The following KAZN variants were observed in gnomAD, a reference collection of about 807,000 sequenced individuals.
The protein encoded by KAZN is kazrin, periplakin interacting protein.
Under a neutral mutation model 87.4 loss-of-function variants are expected in KAZN, and 40 were observed. The ratio of observed to expected loss-of-function variants is 0.46; its 90% CI spans 0.36 to 0.60. The LOEUF is 0.60. Ranked by LOEUF, KAZN falls within the 20% of genes least tolerant of loss-of-function variation. The pLI, the probability that KAZN is intolerant of heterozygous loss-of-function variation, is 0.00. For missense variants in KAZN, 898 were observed against 1,073.9 expected, an observed-to-expected ratio of 0.84 and a Z score of 2.29; for synonymous variants, 466 against 458.3, an observed-to-expected ratio of 1.02 and a Z score of -0.22.
At chr1:14,088,154 T>A (rs1444965952) in intron 1 of KAZN, among the ~76,000 whole-genome samples, 1 of 151,784 alleles carries the variant, frequency 6.6e-6, no homozygotes, top group Non-Finnish European at 1.5e-5. Context: ...ATTTATCCAG[T>A]TCTTCTTAGA....
chr1:14,131,015 G>C (rs1644981597), intron 1 of KAZN, among the ~76,000 whole-genome samples: 1 of 152,190 alleles, frequency 6.6e-6, no homozygotes, highest in Non-Finnish European at 1.5e-5. Flanking sequence ...TTTGCAGGCT[G>C]TACAGGTTTC....
chr1:14,857,356 A>G (rs1044254839), intron 1 of KAZN, among the ~76,000 whole-genome samples: 32 of 152,232 alleles, frequency 2.1e-4, no homozygotes, highest in Non-Finnish European at 3.5e-4. Context: ...AGCCTTAGCA[A>G]CATAGTGAAA....
intron 1 of KAZN, among the ~76,000 whole-genome samples, chr1:14,908,109 T>TGTA (rs1249269437): frequency 6.6e-6 from 1 of 152,188 alleles, no homozygotes; most frequent in Non-Finnish European, 1.5e-5. Context: ...ATCAAAAGCA[T>TGTA]GTAGGGTCAG....
chr1:14,337,310 G>GA (rs34693856), intron 2 of KAZN, among the ~76,000 whole-genome samples: 22,907 of 152,168 alleles, frequency 0.15, 2,022 homozygotes, highest in East Asian at 0.36. Flanking sequence ...AAGGATGAAA[G>GA]AAAAATGGTA....
At chr1:14,035,290 C>G (rs562896663) in intron 1 of KAZN, among the ~76,000 whole-genome samples, 1 of 152,176 alleles carries the variant, frequency 6.6e-6, no homozygotes, top group African/African-American at 2.4e-5. Flanking sequence ...TACGATTTCT[C>G]TAGTGGTGAA....
chr1:14,860,460 G>A (rs1572669775), intron 1 of KAZN, among the ~76,000 whole-genome samples: 1 of 152,294 alleles, frequency 6.6e-6, no homozygotes, highest in Non-Finnish European at 1.5e-5. Context: ...CAAAACTGCT[G>A]GGATTATTAC....
At chr1:14,406,917 A>T (rs1000174242) in intron 2 of KAZN, among the ~76,000 whole-genome samples, 5 of 152,154 alleles carry the variant, frequency 3.3e-5, no homozygotes, top group African/African-American at 9.7e-5. Flanking sequence ...GTGAGGAATA[A>T]ATAAGCTGCT....
At position 14,103,740 on chromosome 1, in the gene KAZN, A is replaced by G. The variant is rs1281299539; in HGVS notation, c.92-76695A>G. Among the ~76,000 whole-genome samples the G allele has an allele frequency of 1.3e-5, 2 of 152,190 alleles. 1 individual carries two copies. Among genetic ancestry groups the G allele is most frequent in the Non-Finnish European group, 2.9e-5 (2 of 68,038 alleles). On this transcript the variant is annotated intron_variant, in intron 1 of 16. Coordinates refer to the KAZN transcript ENST00000636203. ...ATTGGGCTCACTTGGATAATCCAGGATAATCTCCCTATTTGAAGGTCAAAT... is the reference window on the plus strand; with the variant it reads ...ATTGGGCTCACTTGGATAATCCAGGGTAATCTCCCTATTTGAAGGTCAAAT...
chr1:15,023,794 G>A (rs1333700285), intron 2 of KAZN, among the ~76,000 whole-genome samples: 2 of 152,068 alleles, frequency 1.3e-5, no homozygotes, highest in African/African-American at 2.4e-5. Context: ...GCCCGGGTGG[G>A]TGAGCAGGGT....
At chr1:14,081,307 G>T (rs4661470) in intron 1 of KAZN, among the ~76,000 whole-genome samples, 26,417 of 152,014 alleles carry the variant, frequency 0.17, 2,963 homozygotes, top group Admixed American at 0.28. Context: ...GTGAACTGCA[G>T]TACATTATCT....
At chr1:13,981,093 A>ATATATATATATATATATATATGTATATG (rs71272488) in intron 1 of KAZN, among the ~76,000 whole-genome samples, 1 of 78,152 alleles carries the variant, frequency 1.3e-5, no homozygotes, top group East Asian at 2.6e-4. Context: ...TACTCTTTAT[A>ATATATATATATATATATATATGTATATG]TATATATATA....
rs1469814749 is a variant in KAZN, at chr1:14,579,789, G to T, written c.250-19194G>T. 2.0e-5 allele frequency among the ~76,000 whole-genome samples: 3 copies of T among 152,140 alleles called. No individual in the cohort carries two copies. In the East Asian group the frequency reaches 5.8e-4, roughly 29 times the overall value. On this transcript the variant is annotated intron_variant, in intron 2 of 16. Transcript: ENST00000636203. ...CTGGGTAAGAAGCAGCATCCAGGGG[G>T]ACTCACATGGCAGCCAGGCAGAATG...
At chr1:14,028,575 T>C (rs1028678260) in intron 1 of KAZN, among the ~76,000 whole-genome samples, 1 of 152,192 alleles carries the variant, frequency 6.6e-6, no homozygotes. Context: ...CCAGCTCCTA[T>C]CTTTATCTTT....
chr1:14,392,792 G>A (rs1183036905), intron 2 of KAZN, among the ~76,000 whole-genome samples: 3 of 152,154 alleles, frequency 2.0e-5, no homozygotes, highest in Admixed American at 2.0e-4. Context: ...AGAATTGCTA[G>A]TTTAGCCCAG....
chr1:15,094,264 A>T lies in KAZN; in HGVS notation c.1307A>T (p.Glu436Val), dbSNP rs1208451892. Residue 436 changes from glutamate to valine, a missense_variant, in exon 9 of 15, where the codon GAG becomes GTG. By Grantham distance (121) the Glu-to-Val change is moderately radical (BLOSUM62 -2). Coordinates refer to ENST00000376030, the MANE Select transcript of KAZN (RefSeq NM_201628.3). The surrounding 1 kb of genome is among the most constrained non-coding windows in gnomAD (Gnocchi z 4.5). Reference sequence around the variant, plus strand: ...CAGATGGACCGGCTGCAGCAGGTGGAGCTGGTGAGGACCACCCCTATGTCC... The same window carrying T: ...CAGATGGACCGGCTGCAGCAGGTGGTGCTGGTGAGGACCACCCCTATGTCC... ...EEQMDRLQQV[E>V]LVRTTPMSHW... is the part of the protein sequence containing the mutation. The T allele has an allele frequency of 6.2e-7, 1 of 1,613,896 alleles. No individual in the cohort carries two copies. The highest frequency in any genetic ancestry group is 8.5e-7 in the Non-Finnish European group (1 of 1,179,882).
At chr1:14,387,657 G>T (rs999368633) in intron 2 of KAZN, among the ~76,000 whole-genome samples, 6 of 152,138 alleles carry the variant, frequency 3.9e-5, no homozygotes, top group African/African-American at 1.4e-4. Flanking sequence ...CACTTGAGGA[G>T]GCAGTCTGCC....
At chr1:14,194,548 C>T (rs370046618) in intron 2 of KAZN, among the ~76,000 whole-genome samples, 1 of 152,194 alleles carries the variant, frequency 6.6e-6, no homozygotes, top group East Asian at 1.9e-4. Context: ...CAGACCCATC[C>T]TCTCCCAGCA....
At chr1:14,486,247 C>G (rs1381822131) in intron 2 of KAZN, among the ~76,000 whole-genome samples, 2 of 152,178 alleles carry the variant, frequency 1.3e-5, no homozygotes, top group Non-Finnish European at 1.5e-5. Context: ...GATTTCTACC[C>G]ATTCATCCAG....
At chr1:14,259,371 T>C (rs1201178174) in intron 2 of KAZN, among the ~76,000 whole-genome samples, 1 of 152,128 alleles carries the variant, frequency 6.6e-6, no homozygotes, top group Non-Finnish European at 1.5e-5. Context: ...CACAAGCTCC[T>C]GCTGTGCCGA....
Sources: allele counts gnomAD v4.1 joint callset (sites outside exome capture counted in the v4.1 genomes callset), GRCh38; gene constraint gnomAD v4.1.1; non-coding constraint Gnocchi (gnomAD v3.1); transcripts MANE v1.5; gene names NCBI Gene and HGNC (gene_info 2026-07-23, HGNC 2026-07-21).